Variants in MAGI1 observed in about 807,000 individuals in gnomAD.
MAGI1 encodes membrane-associated guanylate kinase, WW and PDZ domain-containing protein 1.
In MAGI1, 58 loss-of-function variants were observed where a neutral mutation model predicts 139.9. The observed-to-expected ratio is 0.41, with a 90% CI of 0.34 to 0.52. The LOEUF (loss-of-function observed/expected upper bound fraction) is 0.52, where lower values mean the gene tolerates loss of function less well. Ranked by LOEUF, MAGI1 falls within the 20% of genes least tolerant of loss-of-function variation. The pLI, the probability that MAGI1 is intolerant of heterozygous loss-of-function variation, is 0.12. For missense variants in MAGI1, 1,874 were observed against 1,901.6 expected (o/e 0.99, Z 0.27); for synonymous variants, 812 against 737.9 (o/e 1.10, Z -1.63).
At chr3:65,855,791 G>C (rs1209258180) in intron 1 of MAGI1, among the ~76,000 whole-genome samples, 1 of 151,662 alleles carries the variant, frequency 6.6e-6, no homozygotes, top group South Asian at 2.1e-4. Flanking sequence ...CATTGGCTCT[G>C]GTGGGGAAAA....
chr3:65,418,831 A>G (rs570406321), intron 12 of MAGI1, among the ~76,000 whole-genome samples: 81 of 152,314 alleles, frequency 5.3e-4, no homozygotes, highest in Non-Finnish European at 7.5e-4. Context: ...GCCCGACTGC[A>G]TTAGTAGCCA....
chr3:65,997,191 C>G (rs2066494698), intron 1 of MAGI1, among the ~76,000 whole-genome samples: 1 of 152,116 alleles, frequency 6.6e-6, no homozygotes, highest in Admixed American at 6.5e-5. Flanking sequence ...CTGGCAGCAC[C>G]TCCTCACATA....
At chr3:65,375,724 G>C (rs1942460624) in intron 18 of MAGI1, 21 bp downstream of exon 18, 1 of 1,553,478 alleles carries the variant, frequency 6.4e-7, no homozygotes, top group Non-Finnish European at 8.9e-7. Context: ...GAGAGAGAGA[G>C]AGATAATAGG....
In MAGI1 at chr3:65,840,605, T is replaced by TACACC. The variant is rs151243247; in HGVS notation, c.313+197386_313+197390dup. ...CTGAACCAGCTTTATATCCCTACAA[T>TACACC]ACACCCTTCTTGGTCATGTTGTAGT... On this transcript the variant is annotated intron_variant, in intron 1 of 22. Transcript: ENST00000402939. Among the ~76,000 whole-genome samples, 826 of 152,310 alleles carry TACACC rather than the reference T, an allele frequency of 5.4e-3. 4 individuals are homozygous for TACACC. Among genetic ancestry groups the TACACC allele is most frequent in the African/African-American group, 0.019 (781 of 41,578 alleles).
At chr3:65,358,637 C>T (rs1940461828) in intron 22 of MAGI1, among the ~76,000 whole-genome samples, 1 of 152,162 alleles carries the variant, frequency 6.6e-6, no homozygotes, top group Non-Finnish European at 1.5e-5. Context: ...GTCAATAAAA[C>T]TTTACTTACA....
intron 1 of MAGI1, among the ~76,000 whole-genome samples, chr3:65,878,997 T>G (rs1469819409): frequency 6.6e-6 from 1 of 152,166 alleles, no homozygotes; most frequent in Non-Finnish European, 1.5e-5. Flanking sequence ...GAGCTCCTGC[T>G]GGGGGTTGCA....
chr3:66,017,349 C>T (rs1192913796), intron 1 of MAGI1, among the ~76,000 whole-genome samples: 2 of 152,214 alleles, frequency 1.3e-5, no homozygotes, highest in African/African-American at 4.8e-5. Flanking sequence ...GTGAAACCAT[C>T]GCCAAGGCAC....
At chr3:65,661,982 C>T (rs994901270) in intron 1 of MAGI1, among the ~76,000 whole-genome samples, 5 of 151,546 alleles carry the variant, frequency 3.3e-5, no homozygotes, top group African/African-American at 2.4e-5. Context: ...CTCCTGACCT[C>T]GTGATCCACC....
At chr3:66,010,018 G>A (rs144223351) in intron 1 of MAGI1, among the ~76,000 whole-genome samples, 68 of 125,954 alleles carry the variant, frequency 5.4e-4, no homozygotes, top group Non-Finnish European at 8.8e-4. Context: ...GGAAGTTGCA[G>A]AGAGCTGAGA....
chr3:65,388,553 C>T (rs541093543), intron 14 of MAGI1, among the ~76,000 whole-genome samples: 3 of 151,952 alleles, frequency 2.0e-5, no homozygotes, highest in Non-Finnish European at 4.4e-5. Context: ...GATTCAAAGA[C>T]GAGATTGATG....
chr3:65,904,976 T>G (rs190417335), intron 1 of MAGI1, among the ~76,000 whole-genome samples: 161 of 152,224 alleles, frequency 1.1e-3, no homozygotes, highest in African/African-American at 3.7e-3. Context: ...GCAATGGAAA[T>G]CAATATGATT....
chr3:65,454,415 A>T (rs1424034494), intron 5 of MAGI1, among the ~76,000 whole-genome samples: 1 of 151,516 alleles, frequency 6.6e-6, no homozygotes, highest in Non-Finnish European at 1.5e-5. Flanking sequence ...TAGCATTGGG[A>T]GATATTCCTA....
At chr3:65,636,568 T>C (rs1297260339) in intron 1 of MAGI1, among the ~76,000 whole-genome samples, 1 of 152,148 alleles carries the variant, frequency 6.6e-6, no homozygotes, top group Non-Finnish European at 1.5e-5. Flanking sequence ...GCCATCCTGG[T>C]TTCCCCTCTG....
rs1180962724 is a variant in MAGI1, at chr3:65,778,451, A to AAAAAAAAAAG, written c.314-156364_314-156363insCTTTTTTTTT. Among the ~76,000 whole-genome samples the AAAAAAAAAAG allele has an allele frequency of 5.1e-4, 31 of 61,336 alleles. 1 individual carries two copies. Among genetic ancestry groups the AAAAAAAAAAG allele is most frequent in the African/African-American group, 1.3e-3 (27 of 20,310 alleles). 40.2% of individuals were successfully genotyped at this position (61,336 alleles called of 152,430 possible). A position where few individuals can be genotyped will look rare whatever the true frequency, so the allele number is the denominator to read the frequency against. On this transcript the variant is annotated intron_variant, in intron 1 of 22. Coordinates refer to ENST00000402939, the MANE Select transcript of MAGI1 (RefSeq NM_001033057.2). ...GTCTCAAAAAAAAAAAAAATAAATA[A>AAAAAAAAAAG]ATAAGTCTTTTGAGAAATGCAGGAA...
At chr3:65,928,604 C>G (rs982970309) in intron 1 of MAGI1, among the ~76,000 whole-genome samples, 2 of 152,108 alleles carry the variant, frequency 1.3e-5, no homozygotes, top group African/African-American at 4.8e-5. Flanking sequence ...TGCTGTATTC[C>G]ATTGTTTCCT....
chr3:65,530,575 C>T (rs1429294053), intron 2 of MAGI1, among the ~76,000 whole-genome samples: 1 of 150,150 alleles, frequency 6.7e-6, no homozygotes, highest in Non-Finnish European at 1.5e-5. Flanking sequence ...CAAGATTGCA[C>T]ACGACTCCAG....
At chr3:65,775,449 G>GA (rs1553705201) in intron 1 of MAGI1, among the ~76,000 whole-genome samples, 1,130 of 26,276 alleles carry the variant, frequency 0.043, 20 homozygotes, top group African/African-American at 0.089. Context: ...ACCTTCTCTG[G>GA]AAAAAAAAAA....
At chr3:65,412,129 G>A (rs1274567946) in intron 12 of MAGI1, among the ~76,000 whole-genome samples, 1 of 152,132 alleles carries the variant, frequency 6.6e-6, no homozygotes, top group Non-Finnish European at 1.5e-5. Flanking sequence ...CCTCCTGGAT[G>A]TGACCCCTCC....
chr3:65,520,930 C>G (rs559844836), intron 2 of MAGI1, among the ~76,000 whole-genome samples: 47 of 152,280 alleles, frequency 3.1e-4, no homozygotes, highest in Non-Finnish European at 5.6e-4. Context: ...TCTATTTTGG[C>G]AAACATATTA....
Sources: allele counts gnomAD v4.1 joint callset (sites outside exome capture counted in the v4.1 genomes callset), GRCh38; gene constraint gnomAD v4.1.1; transcripts MANE v1.5; gene names NCBI Gene and HGNC (gene_info 2026-07-23, HGNC 2026-07-21).